The following DNAJC1 variants were observed in gnomAD, a reference collection of about 807,000 sequenced individuals.
The protein encoded by DNAJC1 is dnaJ homolog subfamily C member 1.
A neutral mutation model predicts 76.6 loss-of-function variants in DNAJC1; 58 were observed. The ratio of observed to expected loss-of-function variants is 0.76; its 90% confidence interval spans 0.61 to 0.94. The LOEUF is 0.94. DNAJC1 is among the 40% of genes least tolerant of loss of function. DNAJC1 has a pLI of 0.00. For missense variants in DNAJC1, 689 were observed against 677.3 expected (o/e 1.02, Z -0.19); for synonymous variants, 258 against 267.9 (o/e 0.96, Z 0.36).
intron 1 of DNAJC1, among the ~76,000 whole-genome samples, chr10:21,995,253 G>A (rs71491909): frequency 0.02 from 2,996 of 152,050 alleles, 58 homozygotes; most frequent in Non-Finnish European, 0.023. Context: ...TCATGTGTAC[G>A]GACCCTAAGA....
chr10:21,900,997 C>T (rs1836643420), intron 7 of DNAJC1, among the ~76,000 whole-genome samples: 1 of 152,172 alleles, frequency 6.6e-6, no homozygotes, highest in Admixed American at 6.5e-5. Flanking sequence ...ATTTTCTCAT[C>T]CTGCCACACT....
intron 8 of DNAJC1, among the ~76,000 whole-genome samples, chr10:21,842,309 A>G (rs972925700): frequency 6.6e-6 from 1 of 151,858 alleles, no homozygotes; most frequent in African/African-American, 2.4e-5. Context: ...ACAGGATAAT[A>G]GCGAAGAAAG....
chr10:21,772,928 A>G (rs1834405382), intron 9 of DNAJC1, among the ~76,000 whole-genome samples: 1 of 152,170 alleles, frequency 6.6e-6, no homozygotes, highest in African/African-American at 2.4e-5. Flanking sequence ...AGGAGGCAGC[A>G]CTTCACATGC....
chr10:21,782,542 C>T (rs1834545974), intron 9 of DNAJC1, among the ~76,000 whole-genome samples: 1 of 152,202 alleles, frequency 6.6e-6, no homozygotes, highest in Admixed American at 6.5e-5. Flanking sequence ...TCCTCCCTAA[C>T]TCATTTTATG....
intron 1 of DNAJC1, among the ~76,000 whole-genome samples, chr10:21,965,761 G>A (rs1484327148): frequency 1.3e-5 from 2 of 152,110 alleles, no homozygotes; most frequent in East Asian, 1.9e-4. Flanking sequence ...TAGGGTGGAC[G>A]CGTTCCTCCT....
intron 1 of DNAJC1, among the ~76,000 whole-genome samples, chr10:21,979,052 G>A (rs1397689671): frequency 1.3e-5 from 2 of 151,222 alleles, no homozygotes; most frequent in East Asian, 1.9e-4. Flanking sequence ...ATGTAAGTTC[G>A]ACTTGATTTT....
intron 1 of DNAJC1, among the ~76,000 whole-genome samples, chr10:21,983,752 G>A (rs1213001952): frequency 6.6e-6 from 1 of 150,924 alleles, no homozygotes; most frequent in Non-Finnish European, 1.5e-5. Context: ...AAGTAGATGA[G>A]AGGTTACCAG....
intron 8 of DNAJC1, among the ~76,000 whole-genome samples, chr10:21,821,506 G>T (rs1835159412): frequency 6.6e-6 from 1 of 152,100 alleles, no homozygotes; most frequent in African/African-American, 2.4e-5. Flanking sequence ...ACTGTCGAAT[G>T]AGTATTTTGA....
intron 1 of DNAJC1, among the ~76,000 whole-genome samples, chr10:22,001,293 T>G (rs1358435021): frequency 6.6e-6 from 1 of 152,176 alleles, no homozygotes; most frequent in Non-Finnish European, 1.5e-5. Flanking sequence ...CCTGGACAGG[T>G]TGCATTTGTC....
At chr10:21,817,374 A>G (rs1166827714) in intron 8 of DNAJC1, among the ~76,000 whole-genome samples, 1 of 152,110 alleles carries the variant, frequency 6.6e-6, no homozygotes, top group East Asian at 1.9e-4. Flanking sequence ...ATATACTACG[A>G]ACACTCTGAC....
intron 1 of DNAJC1, among the ~76,000 whole-genome samples, chr10:21,955,630 AT>A (rs1837666946): frequency 2.0e-5 from 3 of 152,162 alleles, no homozygotes; most frequent in Non-Finnish European, 4.4e-5. Context: ...TAACATTTTC[AT>A]TACCTCATAT....
At chr10:21,857,251 T>G (rs531351273) in intron 8 of DNAJC1, among the ~76,000 whole-genome samples, 1 of 152,270 alleles carries the variant, frequency 6.6e-6, no homozygotes, top group East Asian at 1.9e-4. Flanking sequence ...CCATTAAAAG[T>G]CCTTGTTGAA....
chr10:21,851,554 G>A (rs915340216), intron 8 of DNAJC1, among the ~76,000 whole-genome samples: 3 of 152,094 alleles, frequency 2.0e-5, no homozygotes, highest in Non-Finnish European at 2.9e-5. Flanking sequence ...AAAATGGTTC[G>A]GCTGCAGTGG....
chr10:21,926,998 A>G (rs1837139046), intron 3 of DNAJC1, among the ~76,000 whole-genome samples: 2 of 152,242 alleles, frequency 1.3e-5, no homozygotes, highest in African/African-American at 2.4e-5. Context: ...AAAAACCTCA[A>G]GCCAAAAATA....
At chr10:21,913,305 T>A (rs1440079803) in intron 6 of DNAJC1, among the ~76,000 whole-genome samples, 1 of 152,064 alleles carries the variant, frequency 6.6e-6, no homozygotes, top group Non-Finnish European at 1.5e-5. Context: ...GGTGAATTCC[T>A]AGAAAAATCA....
At chr10:21,860,854 T>G (rs1835908421) in intron 8 of DNAJC1, 1 of 152,380 alleles carries the variant, frequency 6.6e-6, no homozygotes, top group South Asian at 2.1e-4. Context: ...CTTGATTAAC[T>G]TAACAAGTAC....
chr10:21,759,261 T>G lies in DNAJC1; in HGVS notation c.1505A>C (p.Gln502Pro). The stretch of plus-strand genomic sequence containing the variant: ...CTGCAACGCCAGTTCCAGAAGTTTC[T>G]GTTGATTTTGAGTCCACGGCTCCTC... Reference protein sequence around the residue: ...SAEEPWTQNQQKLLELALQQY... With the variant: ...SAEEPWTQNQPKLLELALQQY... The change falls in exon 11 of 12, where the codon CAG (glutamine) becomes CCG (proline). Residue 502 changes from glutamine to proline, a missense_variant. By Grantham distance (76) the Gln-to-Pro change is moderately conservative (BLOSUM62 -1). Coordinates refer to ENST00000376980, the MANE Select transcript of DNAJC1 (RefSeq NM_022365.4). 6.2e-7 allele frequency: 1 copy of G among 1,614,242 alleles called. No individual in the cohort carries two copies. Among genetic ancestry groups the G allele is most frequent in the Non-Finnish European group, 8.5e-7 (1 of 1,180,040 alleles).
At chr10:21,832,760 G>T (rs2131669884) in intron 8 of DNAJC1, among the ~76,000 whole-genome samples, 1 of 152,118 alleles carries the variant, frequency 6.6e-6, no homozygotes, top group South Asian at 2.1e-4. Flanking sequence ...ATATACTTTT[G>T]CAGTGAAATA....
intron 8 of DNAJC1, among the ~76,000 whole-genome samples, chr10:21,849,292 C>CAAAAAAAAAA (rs33953332): frequency 1.1e-4 from 4 of 35,872 alleles, no homozygotes; most frequent in African/African-American, 2.5e-4. Context: ...GACTCCGCCT[C>CAAAAAAAAAA]AAAAAAAAAA....
Sources: allele counts gnomAD v4.1 joint callset (sites outside exome capture counted in the v4.1 genomes callset), GRCh38; gene constraint gnomAD v4.1.1; transcripts MANE v1.5; gene names NCBI Gene and HGNC (gene_info 2026-07-23, HGNC 2026-07-21).